Variants in AK8 observed in about 807,000 individuals in gnomAD.
AK8 encodes ATP-AMP transphosphorylase 8.
A neutral mutation model predicts 54.6 loss-of-function variants in AK8; 44 were observed. The observed-to-expected ratio is 0.81, with a 90% CI of 0.63 to 1.04. The LOEUF is 1.04. Ranked by LOEUF, AK8 falls within the 50% of genes least tolerant of loss-of-function variation. The pLI is 0.00. For synonymous variants in AK8, 239 were observed against 245.6 expected (o/e 0.97, Z 0.25); for missense variants, 555 against 613.6 (o/e 0.90, Z 1.01).
In AK8 at chr9:132,770,824, C is replaced by G. The variant is rs1380678525; in HGVS notation, c.1121+21810G>C. The stretch of plus-strand genomic sequence containing the variant: ...GCTCTGGAAGCAGCTGCTGAGTGCA[C>G]GGCAGACCCCCTGGCATGGGGTTAC... On this transcript the variant is annotated intron_variant, in intron 11 of 12. Coordinates refer to ENST00000298545, the MANE Select transcript of AK8 (RefSeq NM_152572.3). The surrounding 1 kb of genome is among the most constrained non-coding windows in gnomAD (Gnocchi z 4.3). Among the ~76,000 whole-genome samples the G allele has an allele frequency of 1.3e-5, 2 of 152,172 alleles. No homozygotes were observed. Among genetic ancestry groups the G allele is most frequent in the African/African-American group, 4.8e-5 (2 of 41,448 alleles).
intron 8 of AK8, among the ~76,000 whole-genome samples, chr9:132,824,678 C>T (rs949748885): frequency 6.6e-6 from 1 of 152,190 alleles, no homozygotes; most frequent in East Asian, 1.9e-4. Flanking sequence ...CAAAACTGCC[C>T]CCGATTGTGA....
chr9:132,730,819 G>T lies in AK8; in HGVS notation c.1122-3285C>A, dbSNP rs554721629. On this transcript the variant is annotated intron_variant, in intron 11 of 12. Transcript: ENST00000298545. ...TCATCAGATTCTCAGAGGGGTGCTG[G>T]TCCTTAAACATCATTATGAATCTGA... 8.5e-5 allele frequency among the ~76,000 whole-genome samples: 13 copies of T among 152,314 alleles called. No individual in the cohort carries two copies. The East Asian group carries it at 2.3e-3, about 27-fold the overall frequency.
chr9:132,725,742 G>C lies in AK8; in HGVS notation c.1386C>G (p.Val462=), dbSNP rs533440034. Residue 462 remains valine, a synonymous_variant, in exon 13 of 13, where the codon GTC becomes GTG. Transcript: ENST00000298545. The part of the protein sequence containing the change: ...TLNGDQDPYT[V]FEYIESGIIN... ...TGATCCCACTCTCGATGTATTCGAA[G>C]ACTGTGTATGGGTCCTGGTCCCCAT... is the stretch of plus-strand genomic sequence containing the variant. 3.8e-6 allele frequency: 6 copies of C among 1,592,208 alleles called. No individual in the cohort carries two copies. Among genetic ancestry groups the C allele is most frequent in the Non-Finnish European group, 5.1e-6 (6 of 1,169,332 alleles).
intron 1 of AK8, among the ~76,000 whole-genome samples, chr9:132,875,639 C>T (rs56869273): frequency 0.12 from 17,799 of 152,232 alleles, 2,217 homozygotes; most frequent in African/African-American, 0.31. Flanking sequence ...ACATACCTTC[C>T]TGAGTATGTG....
In AK8 at chr9:132,840,406, TCACACACACACACACA is replaced by T. The variant is rs55856402; in HGVS notation, c.403-11696_403-11681del. ...GTGGGACTCAATCCCAAGTGGACAC[TCACACACACACACACA>T]CACACACACACACACACACACACAC... On this transcript the variant is annotated intron_variant, in intron 5 of 12. Transcript: ENST00000298545. 1.2e-4 allele frequency among the ~76,000 whole-genome samples: 17 copies of T among 143,136 alleles called. No individual in the cohort carries two copies. The South Asian group carries it at 1.9e-3, about 16-fold the overall frequency. 93.9% of individuals were successfully genotyped at this position (143,136 alleles called of 152,430 possible). A position where few individuals can be genotyped will look rare whatever the true frequency, so the allele number is the denominator to read the frequency against.
intron 2 of AK8, among the ~76,000 whole-genome samples, chr9:132,867,668 G>A (rs1334418261): frequency 6.6e-6 from 1 of 152,230 alleles, no homozygotes; most frequent in Non-Finnish European, 1.5e-5. Flanking sequence ...TGGAAGCTGG[G>A]AAGGCATTTT....
intron 10 of AK8, among the ~76,000 whole-genome samples, chr9:132,806,592 G>A (rs1037898987): frequency 1.3e-5 from 2 of 152,232 alleles, no homozygotes; most frequent in African/African-American, 4.8e-5. Context: ...TACCTCCTCA[G>A]ATGGGGAGAT....
chr9:132,727,676 G>T, intron 11 of AK8, 142 bp from the exon 12 acceptor site: 2 of 721,786 alleles, frequency 2.8e-6, no homozygotes, highest in Non-Finnish European at 4.6e-6. Context: ...CAATGTGCCT[G>T]CAAACCTGCC....
intron 9 of AK8, among the ~76,000 whole-genome samples, chr9:132,815,484 T>C (rs1588163383): frequency 6.7e-6 from 1 of 150,186 alleles, no homozygotes. Flanking sequence ...ACCTGGGAGG[T>C]GGAGGTTGCA....
At chr9:132,863,403 T>A (rs1444879365) in intron 4 of AK8, among the ~76,000 whole-genome samples, 1 of 152,228 alleles carries the variant, frequency 6.6e-6, no homozygotes, top group East Asian at 1.9e-4. Context: ...ACCAAGGGCT[T>A]GGACAAAACA....
At position 132,781,600 on chromosome 9, in the gene AK8, T is replaced by G. The variant is rs1839470639; in HGVS notation, c.1121+11034A>C. 6.6e-6 allele frequency among the ~76,000 whole-genome samples: 1 copy of G among 152,204 alleles called. No homozygotes were observed. The highest frequency in any genetic ancestry group is 2.1e-4 in the South Asian group (1 of 4,836). ...TAAATTTATTTTAATCTAATTTCAT[T>G]GAACCTTCCTTAAAAAAAGAGCCTT... On this transcript the variant is annotated intron_variant, in intron 11 of 12. Transcript: ENST00000298545. This position sits in a 1 kb window ranked among gnomAD's most constrained non-coding sequence, Gnocchi z 4.6.
Position 132,747,307 on chromosome 9 carries a change from A to ATTT in AK8, c.1122-19776_1122-19774dup, listed in dbSNP as rs1233076625. ...AGGCGTGTGCCACCACACCCAGCTA[A>ATTT]TTTTTGTATTTTTAGTAGAGATGGG... On this transcript the variant is annotated intron_variant, in intron 11 of 12. Coordinates refer to ENST00000298545, the MANE Select transcript of AK8 (RefSeq NM_152572.3). Among the ~76,000 whole-genome samples the ATTT allele has an allele frequency of 9.7e-3, 1,453 of 150,522 alleles. 13 individuals carry two copies. Among genetic ancestry groups the ATTT allele is most frequent in the Non-Finnish European group, 0.016 (1,059 of 67,018 alleles).
At chr9:132,801,091 A>AT (rs1487060602) in intron 10 of AK8, among the ~76,000 whole-genome samples, 1 of 151,684 alleles carries the variant, frequency 6.6e-6, no homozygotes, top group Non-Finnish European at 1.5e-5. Context: ...GGCCCGGCTA[A>AT]TTTTTTTTGT....
chr9:132,840,831 T>G (rs1842514058), intron 5 of AK8, among the ~76,000 whole-genome samples: 1 of 152,116 alleles, frequency 6.6e-6, no homozygotes, highest in South Asian at 2.1e-4. Context: ...AGGCGGAGGT[T>G]GCAGTGAGCC....
chr9:132,870,140 C>A (rs1444393100), intron 2 of AK8, among the ~76,000 whole-genome samples: 2 of 152,200 alleles, frequency 1.3e-5, no homozygotes, highest in African/African-American at 2.4e-5. Flanking sequence ...GCAGGGGAAA[C>A]CCTCCCCTTC....
Position 132,823,221 on chromosome 9 carries a change from T to C in AK8, c.873A>G (p.Lys291=). The C allele has an allele frequency of 6.3e-7, 1 of 1,587,556 alleles. No homozygotes were observed. The highest frequency in any genetic ancestry group is 8.6e-7 in the Non-Finnish European group (1 of 1,168,172). The change falls in exon 9 of 13, where the codon AAA becomes AAG. Residue 291 remains lysine (K), a synonymous_variant. Coordinates refer to ENST00000298545, the MANE Select transcript of AK8 (RefSeq NM_152572.3). Reference sequence around the variant, plus strand: ...GGCACTCACCATTGACAAGCCTGTATTTCTGGGCCAGGAGGGCGGCCTGCA... The same window carrying C: ...GGCACTCACCATTGACAAGCCTGTACTTCTGGGCCAGGAGGGCGGCCTGCA... The part of the protein sequence containing the change: ...KSLQAALLAQ[K]YRLVNVCCGQ...
At chr9:132,767,794 G>A (rs1460479621) in intron 11 of AK8, among the ~76,000 whole-genome samples, 7 of 152,178 alleles carry the variant, frequency 4.6e-5, no homozygotes, top group Non-Finnish European at 8.8e-5. Context: ...ATGAAATTCT[G>A]TCATTTACAG....
intron 10 of AK8, among the ~76,000 whole-genome samples, chr9:132,795,810 G>GA (rs762874770): frequency 1.2e-4 from 19 of 152,304 alleles, no homozygotes; most frequent in Non-Finnish European, 2.4e-4. Context: ...CAAATGATGG[G>GA]AGGCTGATGG....
At chr9:132,874,355 C>G (rs2131450682) in intron 2 of AK8, 1 of 152,464 alleles carries the variant, frequency 6.6e-6, no homozygotes, top group East Asian at 1.9e-4. Flanking sequence ...GCCTTCTGAA[C>G]CTCCACACAG....
Sources: gnomAD v4.1 joint callset for allele counts (sites outside exome capture counted in the v4.1 genomes callset) on GRCh38, gnomAD v4.1.1 for gene constraint, Gnocchi (gnomAD v3.1) non-coding constraint, MANE v1.5 for transcripts, NCBI Gene and HGNC (gene_info 2026-07-23, HGNC 2026-07-21) for gene names.